Variants in SPATA9 observed in about 807,000 individuals in gnomAD.
SPATA9 encodes the protein spermatogenesis associated 9.
A neutral mutation model predicts 25.5 loss-of-function variants in SPATA9; 27 were observed. The ratio of observed to expected loss-of-function variants is 1.06; its 90% CI spans 0.78 to 1.46. SPATA9 has a LOEUF of 1.46. Ranked by LOEUF, SPATA9 falls within the 40% of genes most tolerant of loss-of-function variation. The pLI, the probability that SPATA9 is intolerant of heterozygous loss-of-function variation, is 0.00. For synonymous variants in SPATA9, 102 were observed against 105.7 expected, an observed-to-expected ratio of 0.97 and a Z score of 0.21; for missense variants, 282 against 297.5, an observed-to-expected ratio of 0.95 and a Z score of 0.38.
upstream of SPATA9, among the ~76,000 whole-genome samples, chr5:95,683,937 T>C: frequency 1.3e-5 from 2 of 152,146 alleles, no homozygotes; most frequent in East Asian, 3.9e-4. Context: ...ACCACTTTCT[T>C]CAGCAAGCAT....
intron 1 of SPATA9, among the ~76,000 whole-genome samples, chr5:95,694,051 T>G (rs1371094601): frequency 6.6e-6 from 1 of 152,054 alleles, no homozygotes; most frequent in African/African-American, 2.4e-5. Context: ...TCCTAGCTAC[T>G]CTGGAGGCTG....
chr5:95,731,324 A>G, the SPATA9 span: 1 of 1,079,394 alleles, frequency 9.3e-7, no homozygotes, highest in East Asian at 6.5e-5. Context: ...GAGGAGGAGC[A>G]GCGGCAGCGG....
chr5:95,690,635 A>G (rs1189652026), intron 1 of SPATA9, among the ~76,000 whole-genome samples: 1 of 152,192 alleles, frequency 6.6e-6, no homozygotes, highest in African/African-American at 2.4e-5. Flanking sequence ...ATATGGGACA[A>G]ACAGATATTA....
downstream of SPATA9, chr5:95,653,320 A>G (rs1750475722): frequency 2.0e-6 from 3 of 1,472,744 alleles, no homozygotes; most frequent in African/African-American, 4.2e-5. Context: ...AACCAAGTGG[A>G]CCACCTTAGC....
chr5:95,662,235 C>G (rs1319591097), intron 4 of SPATA9, among the ~76,000 whole-genome samples: 3 of 152,132 alleles, frequency 2.0e-5, no homozygotes, highest in African/African-American at 7.2e-5. Flanking sequence ...AAATTTGACT[C>G]TTACCTCATA....
At chr5:95,693,502 T>C (rs1753938634) in intron 1 of SPATA9, among the ~76,000 whole-genome samples, 7 of 152,222 alleles carry the variant, frequency 4.6e-5, no homozygotes. Context: ...TTTATTTATA[T>C]GAAGCTCAAA....
At chr5:95,654,866 T>G (rs1750638638), downstream of SPATA9, among the ~76,000 whole-genome samples, 1 of 152,042 alleles carries the variant, frequency 6.6e-6, no homozygotes, top group Admixed American at 6.6e-5. Flanking sequence ...ACACTGTGCA[T>G]AATTTGAATT....
At chr5:95,725,508 G>A in the SPATA9 span, among the ~76,000 whole-genome samples, 2 of 152,282 alleles carry the variant, frequency 1.3e-5, no homozygotes, top group Non-Finnish European at 1.5e-5. Context: ...ACGCCTTTGC[G>A]TGAGCCCTGA....
chr5:95,676,988 A>G (rs1392597439), intron 2 of SPATA9, among the ~76,000 whole-genome samples: 2 of 152,078 alleles, frequency 1.3e-5, no homozygotes, highest in African/African-American at 2.4e-5. Context: ...GGGATTTTGC[A>G]CTAGCTATGC....
chr5:95,675,379 A>T (rs1363644441), intron 3 of SPATA9, 33 bp downstream of exon 3: 1 of 1,536,812 alleles, frequency 6.5e-7, no homozygotes, highest in African/African-American at 1.4e-5. Context: ...TTTCTTAAAA[A>T]AGGGGAATTG....
At chr5:95,712,684 C>T in the SPATA9 span, among the ~76,000 whole-genome samples, 1 of 152,166 alleles carries the variant, frequency 6.6e-6, no homozygotes, top group Non-Finnish European at 1.5e-5. Context: ...TGAATCACCA[C>T]AAGTCATTTG....
At chr5:95,711,549 T>C in the SPATA9 span, among the ~76,000 whole-genome samples, 1 of 151,950 alleles carries the variant, frequency 6.6e-6, no homozygotes, top group African/African-American at 2.4e-5. Context: ...AGGGGCTGCT[T>C]CCTCCCGCCG....
rs1753587356 is a variant in SPATA9 at position 95,682,912 on chromosome 5, T to A, written c.-58A>T. 1 of 1,440,912 alleles carries A rather than the reference T, an allele frequency of 6.9e-7. No homozygotes were observed. The highest frequency in any genetic ancestry group is 9.1e-7 in the Non-Finnish European group (1 of 1,096,212). 89.3% of individuals were successfully genotyped at this position (1,440,912 alleles called of 1,614,324 possible). ...CAAGCTTGCAGGCCTGGGTAATGCT[T>A]GTCCTAGTCTGCCATTAGTGAAAGA... On this transcript the variant is annotated 5_prime_UTR_variant, in exon 1 of 5. Transcript: ENST00000274432.
the SPATA9 span, among the ~76,000 whole-genome samples, chr5:95,714,186 A>T: frequency 1.3e-5 from 2 of 152,138 alleles, no homozygotes; most frequent in Non-Finnish European, 2.9e-5. Flanking sequence ...CTGGGGAAGG[A>T]TCAACTGGGG....
intron 1 of SPATA9, among the ~76,000 whole-genome samples, chr5:95,695,745 A>T (rs189339767): frequency 1.9e-4 from 29 of 152,360 alleles, no homozygotes; most frequent in Non-Finnish European, 4.0e-4. Flanking sequence ...GTTAAATCAT[A>T]TGATATGCAG....
chr5:95,656,232 C>A, downstream of SPATA9: 1 of 1,613,588 alleles, frequency 6.2e-7, no homozygotes, highest in Non-Finnish European at 8.5e-7. Context: ...TTATGTGACT[C>A]TTTCTAATGA....
Position 95,675,411 on chromosome 5 carries a change from C to A in SPATA9, c.378+1G>T. The A allele has an allele frequency of 2.5e-6, 4 of 1,611,178 alleles. No homozygotes were observed. The highest frequency in any genetic ancestry group is 3.4e-6 in the Non-Finnish European group (4 of 1,178,510). On this transcript the variant is annotated splice_donor_variant, in intron 3 of 4. Coordinates refer to ENST00000274432, the MANE Select transcript of SPATA9 (RefSeq NM_031952.4). LOFTEE classifies it high-confidence loss of function. Reference sequence around the variant, plus strand: ...ATTGTGCATATGCAGTATTCCCTTACCTGAATGTTATATAGGGGTTGCCTC... The same window carrying A: ...ATTGTGCATATGCAGTATTCCCTTAACTGAATGTTATATAGGGGTTGCCTC...
At chr5:95,731,364 A>G in the SPATA9 span, 1 of 1,141,718 alleles carries the variant, frequency 8.8e-7, no homozygotes, top group Non-Finnish European at 1.1e-6. Flanking sequence ...CCAGCCGAGG[A>G]GGCGCGGCGG....
At chr5:95,687,180 AC>A (rs1440093079), upstream of SPATA9, among the ~76,000 whole-genome samples, 1 of 152,192 alleles carries the variant, frequency 6.6e-6, no homozygotes, top group East Asian at 1.9e-4. Context: ...ATAATTAGAC[AC>A]CCCATGGGAA....
Sources: gnomAD v4.1 joint callset for allele counts (sites outside exome capture counted in the v4.1 genomes callset) on GRCh38, gnomAD v4.1.1 for gene constraint, MANE v1.5 for transcripts, NCBI Gene and HGNC (gene_info 2026-07-23, HGNC 2026-07-21) for gene names.